The following CLSTN2 variants were observed in gnomAD, a reference collection of about 807,000 sequenced individuals.
CLSTN2 encodes calsyntenin-2.
In CLSTN2, 48 loss-of-function variants were observed where a neutral mutation model predicts 101.2. The observed-to-expected ratio is 0.47, with a 90% CI of 0.38 to 0.60. The LOEUF is 0.60. Among genes scored for constraint, CLSTN2 ranks in the 20% least tolerant of loss-of-function variants. The pLI is 0.00. For synonymous variants in CLSTN2, 481 were observed against 463.6 expected (o/e 1.04, Z -0.48); for missense variants, 1,160 against 1,238.2 (o/e 0.94, Z 0.95).
At chr3:140,406,528 AGAAGG>A (rs1311824640) in intron 4 of CLSTN2, among the ~76,000 whole-genome samples, 65 of 152,356 alleles carry the variant, frequency 4.3e-4, no homozygotes, top group African/African-American at 1.5e-3. Context: ...AAAACTAAGA[AGAAGG>A]TAATTTTAAT....
rs546333077 is a variant in CLSTN2 at position 140,485,636 on chromosome 3, T to TA, written c.1344+18906dup. On this transcript the variant is annotated intron_variant, in intron 8 of 16. Coordinates refer to ENST00000458420, the MANE Select transcript of CLSTN2 (RefSeq NM_022131.3). Reference sequence around the variant, plus strand: ...GAGCTTCCCGGCTGCTTTGTTTACCTACTCAAGCCTCGGCAATGGCAGGCA... The same window carrying TA: ...GAGCTTCCCGGCTGCTTTGTTTACCTAACTCAAGCCTCGGCAATGGCAGGCA... Among the ~76,000 whole-genome samples, 180 of 152,278 alleles carry TA rather than the reference T, an allele frequency of 1.2e-3. 1 individual carries two copies. Among genetic ancestry groups the TA allele is most frequent in the African/African-American group, 3.9e-3 (164 of 41,538 alleles).
chr3:140,220,171 C>T (rs1279029559), intron 2 of CLSTN2, among the ~76,000 whole-genome samples: 1 of 152,216 alleles, frequency 6.6e-6, no homozygotes, highest in Non-Finnish European at 1.5e-5. Context: ...AGTCTCAGCA[C>T]TAGTGCAAAT....
chr3:140,458,850 A>T (rs1015436885), intron 6 of CLSTN2, among the ~76,000 whole-genome samples: 1 of 152,236 alleles, frequency 6.6e-6, no homozygotes, highest in African/African-American at 2.4e-5. Flanking sequence ...TTATTTGCTC[A>T]TAGTCACAAA....
rs540617600 is a variant in CLSTN2, at chr3:140,447,647, T to C, written c.788-872T>C. Among the ~76,000 whole-genome samples, 3 of 152,368 alleles carry C rather than the reference T, an allele frequency of 2.0e-5. No homozygotes were observed. In the South Asian group the frequency reaches 6.2e-4, roughly 32 times the overall value. On this transcript the variant is annotated intron_variant, in intron 5 of 16. Transcript: ENST00000458420. ...ACTCACAGTTCTGAGTGTCTGAGAATCCTTTCACCCTACCTTGTGACCTCA... is the reference window on the plus strand; with the variant it reads ...ACTCACAGTTCTGAGTGTCTGAGAACCCTTTCACCCTACCTTGTGACCTCA...
chr3:140,322,659 A>G (rs372966748), intron 2 of CLSTN2, among the ~76,000 whole-genome samples: 1 of 152,252 alleles, frequency 6.6e-6, no homozygotes, highest in Non-Finnish European at 1.5e-5. Flanking sequence ...GTTGTGAAAG[A>G]GACAGTGTTT....
chr3:140,413,656 A>G (rs1016130697), intron 4 of CLSTN2, among the ~76,000 whole-genome samples: 2 of 152,214 alleles, frequency 1.3e-5, no homozygotes, highest in Admixed American at 6.5e-5. Flanking sequence ...GTCCTCAACA[A>G]AATACTAGCA....
chr3:140,383,140 G>A (rs760265179), intron 2 of CLSTN2, among the ~76,000 whole-genome samples: 7 of 152,148 alleles, frequency 4.6e-5, no homozygotes, highest in Non-Finnish European at 8.8e-5. Context: ...ACCTAAGGAG[G>A]AGAAATGAAG....
chr3:140,081,002 T>C (rs1335355358), intron 1 of CLSTN2, among the ~76,000 whole-genome samples: 1 of 152,210 alleles, frequency 6.6e-6, no homozygotes, highest in African/African-American at 2.4e-5. Context: ...CTGAATATCC[T>C]TCACTCCACA....
At chr3:140,428,985 A>G (rs1394545355) in intron 5 of CLSTN2, among the ~76,000 whole-genome samples, 1 of 152,190 alleles carries the variant, frequency 6.6e-6, no homozygotes. Context: ...GGCTGCTTCC[A>G]TCAACTTCAC....
intron 1 of CLSTN2, among the ~76,000 whole-genome samples, chr3:139,978,292 T>C (rs765377913): frequency 3.9e-5 from 6 of 152,204 alleles, no homozygotes; most frequent in Non-Finnish European, 8.8e-5. Context: ...ACACTTGTTT[T>C]TGAACTGTTG....
In CLSTN2 at chr3:140,575,241, T is replaced by C. The variant is rs767938522; in HGVS notation, c.*8988T>C. On this transcript the variant is annotated 3_prime_UTR_variant, in exon 17 of 17. Coordinates refer to ENST00000458420, the MANE Select transcript of CLSTN2 (RefSeq NM_022131.3). ...AGGGCTGATCACTCAAAAAGTAAGA[T>C]AGGAGATATTGAGGGAAAATGTGAC... 5.3e-4 allele frequency: 81 copies of C among 152,206 alleles called. No homozygotes were observed. Among genetic ancestry groups the C allele is most frequent in the Non-Finnish European group, 1.1e-3 (76 of 68,022 alleles). The allele number at this position is 152,206 out of a possible 1,614,324, so 9.4% of individuals were successfully genotyped here.
intron 2 of CLSTN2, among the ~76,000 whole-genome samples, chr3:140,236,609 G>A: frequency 6.6e-6 from 1 of 151,908 alleles, no homozygotes; most frequent in East Asian, 1.9e-4. Flanking sequence ...TGTATGTTAG[G>A]CTGCTTCTCT....
chr3:140,407,098 T>C (rs533717143), intron 4 of CLSTN2, among the ~76,000 whole-genome samples: 3 of 152,202 alleles, frequency 2.0e-5, no homozygotes, highest in South Asian at 4.2e-4. Context: ...ACAGAAGCAG[T>C]CCTCCAGGTA....
At chr3:140,226,796 A>G (rs1055911372) in intron 2 of CLSTN2, among the ~76,000 whole-genome samples, 9 of 152,206 alleles carry the variant, frequency 5.9e-5, no homozygotes, top group African/African-American at 1.9e-4. Context: ...GAAGTCAACG[A>G]GGAGCAAGTC....
At chr3:140,241,033 A>G (rs1259908153) in intron 2 of CLSTN2, among the ~76,000 whole-genome samples, 3 of 152,172 alleles carry the variant, frequency 2.0e-5, no homozygotes, top group Non-Finnish European at 4.4e-5. Flanking sequence ...AGACATGGAA[A>G]ATGATAATGC....
In CLSTN2 at chr3:140,285,923, A is replaced by G. The variant is rs551665507; in HGVS notation, c.232+109850A>G. The stretch of plus-strand genomic sequence containing the variant: ...CAGGTTGGAGGGCAAGAGTCATCCA[A>G]TACCATGACCTGGGGCTTAGCACTT... On this transcript the variant is annotated intron_variant, in intron 2 of 16. Transcript: ENST00000458420. 5.3e-5 allele frequency among the ~76,000 whole-genome samples: 8 copies of G among 152,302 alleles called. No homozygotes were observed. In the East Asian group the frequency reaches 1.4e-3, roughly 26 times the overall value.
At chr3:140,194,515 C>G (rs1433442922) in intron 2 of CLSTN2, among the ~76,000 whole-genome samples, 1 of 152,116 alleles carries the variant, frequency 6.6e-6, no homozygotes, top group Non-Finnish European at 1.5e-5. Context: ...GTAGTGGCAT[C>G]TACTGATTTA....
intron 9 of CLSTN2, among the ~76,000 whole-genome samples, chr3:140,546,276 C>A (rs539565863): frequency 6.6e-6 from 1 of 152,224 alleles, no homozygotes; most frequent in East Asian, 1.9e-4. Flanking sequence ...TTGAAAATAA[C>A]CTTTAAAATT....
At chr3:140,131,043 A>G (rs1445375307) in intron 1 of CLSTN2, among the ~76,000 whole-genome samples, 1 of 152,130 alleles carries the variant, frequency 6.6e-6, no homozygotes, top group Non-Finnish European at 1.5e-5. Context: ...TTAAAGATTG[A>G]AGATGATCCT....
Sources: gnomAD v4.1 joint callset for allele counts (sites outside exome capture counted in the v4.1 genomes callset) on GRCh38, gnomAD v4.1.1 for gene constraint, MANE v1.5 for transcripts, NCBI Gene and HGNC (gene_info 2026-07-23, HGNC 2026-07-21) for gene names.